PTER: variants seen among roughly 807,000 people sequenced by gnomAD.
The protein encoded by PTER is N-acetyltaurine hydrolase.
Under a neutral mutation model 29.6 loss-of-function variants are expected in PTER, and 38 were observed. The observed-to-expected ratio is 1.28, with a 90% CI of 0.99 to 1.68. PTER has a LOEUF of 1.68. Among genes scored for constraint, PTER ranks in the 40% most tolerant of loss-of-function variants. The pLI, the probability that PTER is intolerant of heterozygous loss-of-function variation, is 0.00. For synonymous variants in PTER, 172 were observed against 154.5 expected (o/e 1.11, Z -0.84); for missense variants, 482 against 427.8 (o/e 1.13, Z -1.12).
chr10:16,486,295 A>T (rs1835690901), intron 2 of PTER, 57 bp from the exon 3 acceptor site: 4 of 1,453,304 alleles, frequency 2.8e-6, no homozygotes, highest in Non-Finnish European at 3.8e-6. Context: ...ACTGTGGTGG[A>T]TCTATTTTGA....
intron 1 of PTER, among the ~76,000 whole-genome samples, chr10:16,444,702 CTT>C (rs1833959630): frequency 6.6e-6 from 1 of 152,140 alleles, no homozygotes; most frequent in Non-Finnish European, 1.5e-5. Context: ...TAGCAAAGCT[CTT>C]ATATTCAAAG....
intron 3 of PTER, among the ~76,000 whole-genome samples, chr10:16,495,081 A>G (rs917697717): frequency 2.0e-5 from 3 of 152,164 alleles, no homozygotes; most frequent in African/African-American, 7.2e-5. Flanking sequence ...CTTTAAAAAA[A>G]TAAGAATTCC....
chr10:16,498,032 A>G (rs1836178504), intron 3 of PTER, among the ~76,000 whole-genome samples: 1 of 152,218 alleles, frequency 6.6e-6, no homozygotes, highest in African/African-American at 2.4e-5. Flanking sequence ...CAGCAGAGGA[A>G]ATGATATCAT....
chr10:16,438,114 T>A (rs1368900596), intron 1 of PTER, among the ~76,000 whole-genome samples: 3 of 152,092 alleles, frequency 2.0e-5, no homozygotes, highest in Admixed American at 2.0e-4. Context: ...CAAGCGATTC[T>A]CTTGCCTCAG....
At chr10:16,493,989 AT>A (rs1423975146) in intron 3 of PTER, among the ~76,000 whole-genome samples, 1 of 151,830 alleles carries the variant, frequency 6.6e-6, no homozygotes, top group Non-Finnish European at 1.5e-5. Flanking sequence ...TCCACGAGTA[AT>A]TTTTTTTCTA....
intron 1 of PTER, among the ~76,000 whole-genome samples, chr10:16,464,207 A>C (rs959188138): frequency 3.9e-5 from 6 of 152,210 alleles, no homozygotes; most frequent in Non-Finnish European, 8.8e-5. Context: ...AGTTTTATGA[A>C]GACACATCCA....
At chr10:16,439,101 A>G (rs1262583779) in intron 1 of PTER, among the ~76,000 whole-genome samples, 1 of 152,030 alleles carries the variant, frequency 6.6e-6, no homozygotes, top group Non-Finnish European at 1.5e-5. Flanking sequence ...GTTTTGGGTC[A>G]TATTTGCTGC....
chr10:16,515,761 T>C (rs1224779953), downstream of PTER, among the ~76,000 whole-genome samples: 3 of 152,194 alleles, frequency 2.0e-5, no homozygotes, highest in Non-Finnish European at 4.4e-5. Context: ...GACTTAGATT[T>C]GATTTATTTC....
chr10:16,496,263 A>G (rs1341785689), intron 3 of PTER, among the ~76,000 whole-genome samples: 1 of 152,218 alleles, frequency 6.6e-6, no homozygotes, highest in East Asian at 1.9e-4. Context: ...AGGCAAATCT[A>G]ATTATATCCC....
At chr10:16,478,624 G>A (rs944953601) in intron 1 of PTER, among the ~76,000 whole-genome samples, 2 of 151,284 alleles carry the variant, frequency 1.3e-5, no homozygotes, top group Non-Finnish European at 2.9e-5. Flanking sequence ...TTGAGCCACC[G>A]TGCCCAGCCC....
intron 1 of PTER, among the ~76,000 whole-genome samples, chr10:16,460,041 C>A (rs1260265094): frequency 1.3e-5 from 2 of 152,184 alleles, no homozygotes; most frequent in Admixed American, 1.3e-4. Flanking sequence ...GGCTGCTGCA[C>A]CCAGCCCAGG....
intron 1 of PTER, among the ~76,000 whole-genome samples, chr10:16,472,212 C>T (rs1468786149): frequency 6.6e-6 from 1 of 152,150 alleles, no homozygotes; most frequent in Non-Finnish European, 1.5e-5. Flanking sequence ...TTTGGTGTTT[C>T]TCGTATTGCT....
chr10:16,447,409 A>ATT (rs57555969), intron 1 of PTER, among the ~76,000 whole-genome samples: 2 of 151,900 alleles, frequency 1.3e-5, no homozygotes, highest in Non-Finnish European at 2.9e-5. Flanking sequence ...CCTGTAAAAT[A>ATT]TTTTTTATGT....
At chr10:16,472,772 T>C (rs1835101797) in intron 1 of PTER, among the ~76,000 whole-genome samples, 1 of 152,150 alleles carries the variant, frequency 6.6e-6, no homozygotes, top group Non-Finnish European at 1.5e-5. Context: ...ATTTGAACAG[T>C]TTTCTATTAT....
At chr10:16,507,240 T>C (rs1836610046) in intron 4 of PTER, among the ~76,000 whole-genome samples, 1 of 147,338 alleles carries the variant, frequency 6.8e-6, no homozygotes, top group African/African-American at 2.6e-5. Context: ...ATATATACTG[T>C]ATGTGTATGT....
chr10:16,479,876 T>G (rs746234237), intron 1 of PTER, among the ~76,000 whole-genome samples: 2 of 151,742 alleles, frequency 1.3e-5, no homozygotes, highest in African/African-American at 2.4e-5. Flanking sequence ...CACTTCATAT[T>G]GTCTGCAAAA....
chr10:16,517,049 C>T (rs1255849081), downstream of PTER, among the ~76,000 whole-genome samples: 1 of 152,130 alleles, frequency 6.6e-6, no homozygotes, highest in Non-Finnish European at 1.5e-5. Context: ...GTGACTTCAA[C>T]AATTCTTTCA....
chr10:16,486,263 A>C (rs988449005), intron 2 of PTER, 89 bp from the exon 3 acceptor site: 3 of 1,327,734 alleles, frequency 2.3e-6, no homozygotes, highest in Non-Finnish European at 3.1e-6. Context: ...ATGAATGACA[A>C]AATAAATAAA....
chr10:16,473,167 A>G (rs1835117818), intron 1 of PTER, among the ~76,000 whole-genome samples: 1 of 152,162 alleles, frequency 6.6e-6, no homozygotes, highest in African/African-American at 2.4e-5. Context: ...TATTCGGCTC[A>G]AATGAGTCTC....
Sources: gnomAD v4.1 joint callset for allele counts (sites outside exome capture counted in the v4.1 genomes callset) on GRCh38, gnomAD v4.1.1 for gene constraint, MANE v1.5 for transcripts, NCBI Gene and HGNC (gene_info 2026-07-23, HGNC 2026-07-21) for gene names.